Variants in DCC observed in about 807,000 individuals in gnomAD.
DCC encodes DCC netrin 1 receptor.
A neutral mutation model predicts 172.5 loss-of-function variants in DCC; 58 were observed. That is an observed-to-expected ratio of 0.34 (90% CI 0.27 to 0.42). DCC has a LOEUF of 0.42. Ranked by LOEUF, DCC falls within the 10% of genes least tolerant of loss-of-function variation. The pLI, the probability that DCC is intolerant of heterozygous loss-of-function variation, is 1.00. For synonymous variants in DCC, 709 were observed against 644.5 expected (o/e 1.10, Z -1.52); for missense variants, 1,740 against 1,791.0 (o/e 0.97, Z 0.51).
At chr18:52,581,025 C>T (rs114675741) in intron 1 of DCC, among the ~76,000 whole-genome samples, 6,265 of 152,206 alleles carry the variant, frequency 0.041, 162 homozygotes, top group Non-Finnish European at 0.054. Flanking sequence ...TCTTCTTTCC[C>T]CTCTCCAGCT....
intron 2 of DCC, among the ~76,000 whole-genome samples, chr18:52,853,167 G>C (rs2039003241): frequency 6.6e-6 from 1 of 152,136 alleles, no homozygotes; most frequent in African/African-American, 2.4e-5. Context: ...CCTTGGAGGG[G>C]AGAGTATTTA....
intron 1 of DCC, among the ~76,000 whole-genome samples, chr18:52,569,408 A>G (rs2033240894): frequency 6.6e-6 from 1 of 152,228 alleles, no homozygotes; most frequent in African/African-American, 2.4e-5. Flanking sequence ...ATGACCGGGC[A>G]CATCTAAAGT....
intron 2 of DCC, among the ~76,000 whole-genome samples, chr18:52,827,763 G>T (rs932544168): frequency 2.0e-5 from 3 of 152,120 alleles, no homozygotes; most frequent in African/African-American, 7.2e-5. Flanking sequence ...GTCTTTATGT[G>T]ACTTGATTTT....
At chr18:53,029,522 T>C (rs1017631807) in intron 5 of DCC, among the ~76,000 whole-genome samples, 4 of 152,218 alleles carry the variant, frequency 2.6e-5, no homozygotes, top group Non-Finnish European at 5.9e-5. Flanking sequence ...ATGCCTGGTT[T>C]GTAGCCTTTA....
intron 1 of DCC, 33 bp downstream of exon 1, chr18:52,340,911 C>T (rs778855010): frequency 2.0e-6 from 3 of 1,482,004 alleles, no homozygotes; most frequent in Non-Finnish European, 1.9e-6. Context: ...CTCGTCGCAC[C>T]CCCTTCCGTA....
chr18:52,646,114 C>A (rs2035013166), intron 1 of DCC, among the ~76,000 whole-genome samples: 3 of 152,160 alleles, frequency 2.0e-5, no homozygotes, highest in African/African-American at 7.2e-5. Flanking sequence ...ACTTGTCTGG[C>A]CTTTGGTGAG....
chr18:53,051,832 A>G (rs975305977), intron 5 of DCC, among the ~76,000 whole-genome samples: 1 of 151,810 alleles, frequency 6.6e-6, no homozygotes, highest in African/African-American at 2.4e-5. Flanking sequence ...ATCTTTTGAG[A>G]TTTATGTACT....
At chr18:53,043,439 T>G (rs577410624) in intron 5 of DCC, among the ~76,000 whole-genome samples, 7 of 151,802 alleles carry the variant, frequency 4.6e-5, no homozygotes, top group African/African-American at 1.7e-4. Flanking sequence ...TGCACATATA[T>G]CCCAGAACTT....
chr18:53,431,599 C>T (rs1911621977), intron 21 of DCC, among the ~76,000 whole-genome samples: 2 of 151,918 alleles, frequency 1.3e-5, no homozygotes, highest in Non-Finnish European at 2.9e-5. Context: ...GCAATTTTGC[C>T]TCCACCTCCA....
At chr18:52,978,811 C>T (rs576043806) in intron 5 of DCC, among the ~76,000 whole-genome samples, 8 of 152,278 alleles carry the variant, frequency 5.3e-5, no homozygotes, top group East Asian at 1.9e-4. Context: ...TGAGAACATA[C>T]GGTATTTGAT....
In DCC at chr18:52,348,231, G is replaced by A. The variant is rs1428176392; in HGVS notation, c.91+7353G>A. Among the ~76,000 whole-genome samples, 3 of 152,108 alleles carry A rather than the reference G, an allele frequency of 2.0e-5. No individual in the cohort carries two copies. The East Asian group carries it at 5.8e-4, about 29-fold the overall frequency. ...ACCATAGTTTATCTAATCTATTGTTGATGGATTTTGAAATTCAGTTTTTTG... is the reference window on the plus strand; with the variant it reads ...ACCATAGTTTATCTAATCTATTGTTAATGGATTTTGAAATTCAGTTTTTTG... On this transcript the variant is annotated intron_variant, in intron 1 of 28. Coordinates refer to ENST00000442544, the MANE Select transcript of DCC (RefSeq NM_005215.4).
chr18:53,351,646 A>G (rs1369384736), intron 15 of DCC, among the ~76,000 whole-genome samples: 1 of 150,776 alleles, frequency 6.6e-6, no homozygotes, highest in Non-Finnish European at 1.5e-5. Context: ...AAACCGGTGA[A>G]GTATTATGTA....
intron 1 of DCC, among the ~76,000 whole-genome samples, chr18:52,350,823 G>A (rs923767829): frequency 2.0e-5 from 3 of 152,124 alleles, no homozygotes; most frequent in African/African-American, 7.2e-5. Context: ...GTAAGAATGA[G>A]GATATTATGG....
intron 2 of DCC, among the ~76,000 whole-genome samples, chr18:52,859,389 C>T (rs2039101051): frequency 1.3e-5 from 2 of 152,160 alleles, no homozygotes; most frequent in African/African-American, 4.8e-5. Context: ...TATGAACATA[C>T]ACATGCGGAG....
At chr18:52,758,188 A>G (rs188037847) in intron 2 of DCC, among the ~76,000 whole-genome samples, 85 of 152,332 alleles carry the variant, frequency 5.6e-4, no homozygotes, top group African/African-American at 1.9e-3. Context: ...ACACATGACA[A>G]ATCTGTGTCA....
At chr18:53,119,808 G>A (rs1324172500) in intron 7 of DCC, among the ~76,000 whole-genome samples, 2 of 151,776 alleles carry the variant, frequency 1.3e-5, no homozygotes, top group East Asian at 1.9e-4. Flanking sequence ...TGCTTAGGTA[G>A]TATTTTCACC....
At chr18:52,499,688 T>G (rs2030945488) in intron 1 of DCC, among the ~76,000 whole-genome samples, 1 of 152,188 alleles carries the variant, frequency 6.6e-6, no homozygotes, top group South Asian at 2.1e-4. Flanking sequence ...ATGAGGTCAC[T>G]GTGAGTTGAT....
At chr18:53,253,880 C>T (rs1178905540) in intron 12 of DCC, among the ~76,000 whole-genome samples, 1 of 151,984 alleles carries the variant, frequency 6.6e-6, no homozygotes, top group Non-Finnish European at 1.5e-5. Context: ...TTCTACATGA[C>T]TAATGAGTTA....
chr18:52,860,658 G>A (rs1343456679), intron 2 of DCC, among the ~76,000 whole-genome samples: 1 of 152,192 alleles, frequency 6.6e-6, no homozygotes, highest in African/African-American at 2.4e-5. Context: ...CTTATTATTT[G>A]CATAGAGTAT....
Sources: allele counts gnomAD v4.1 joint callset (sites outside exome capture counted in the v4.1 genomes callset), GRCh38; gene constraint gnomAD v4.1.1; transcripts MANE v1.5; gene names NCBI Gene and HGNC (gene_info 2026-07-23, HGNC 2026-07-21).